Variants in ELMO2 observed in about 807,000 individuals in gnomAD.
ELMO2 encodes the protein engulfment and cell motility protein 2.
A neutral mutation model predicts 96.2 loss-of-function variants in ELMO2; 37 were observed. That is an observed-to-expected ratio of 0.38 (90% CI 0.30 to 0.51). ELMO2 has a LOEUF of 0.51. Ranked by LOEUF, ELMO2 falls within the 20% of genes least tolerant of loss-of-function variation. ELMO2 has a pLI of 0.88. For synonymous variants in ELMO2, 315 were observed against 329.4 expected (o/e 0.96, Z 0.47); for missense variants, 561 against 912.6 (o/e 0.61, Z 4.96).
chr20:46,403,554 A>T (rs2060370236), intron 1 of ELMO2, among the ~76,000 whole-genome samples: 1 of 152,234 alleles, frequency 6.6e-6, no homozygotes, highest in South Asian at 2.1e-4. Flanking sequence ...AAAACACATC[A>T]TGCAGCTTGG....
intron 11 of ELMO2, chr20:46,376,675 G>GTA: frequency 7.8e-7 from 1 of 1,289,464 alleles, no homozygotes; most frequent in South Asian, 1.2e-5. Context: ...TTGCTCCCTT[G>GTA]TATTTGTCAC....
intron 3 of ELMO2, 103 bp downstream of exon 3, chr20:46,394,302 T>C: frequency 2.9e-6 from 4 of 1,375,206 alleles, no homozygotes; most frequent in Non-Finnish European, 4.1e-6. Context: ...TGTTGCTCGT[T>C]CTTACTCTTG....
In ELMO2 at chr20:46,375,656, C is replaced by T; in HGVS notation, c.930+12G>A. On this transcript the variant is annotated intron_variant, in intron 12 of 21. Transcript: ENST00000290246. The surrounding 1 kb of genome is among the most constrained non-coding windows in gnomAD (Gnocchi z 4.6). ...CAGCCATGAGAAAACAGCTGCCCCA[C>T]TTAGCACCTACCTGGTCATTGGGGT... The T allele has an allele frequency of 6.2e-7, 1 of 1,614,044 alleles. No individual in the cohort carries two copies. Among genetic ancestry groups the T allele is most frequent in the East Asian group, 2.2e-5 (1 of 44,890 alleles).
At chr20:46,381,064 A>C (rs1233511208) in intron 10 of ELMO2, among the ~76,000 whole-genome samples, 1 of 152,212 alleles carries the variant, frequency 6.6e-6, no homozygotes, top group Admixed American at 6.5e-5. Flanking sequence ...TTTATTTCTG[A>C]AGTGACTACA....
Position 46,370,569 on chromosome 20 carries a change from G to A in ELMO2, c.1802-44C>T, listed in dbSNP as rs118029654. On this transcript the variant is annotated intron_variant, in intron 19 of 21. Transcript: ENST00000290246. Reference sequence around the variant, plus strand: ...TAGTCTCTGGAAGTTCATGCTGCAAGCTGGTCAGTGCCTACATCAGTGCTG... The same window carrying A: ...TAGTCTCTGGAAGTTCATGCTGCAAACTGGTCAGTGCCTACATCAGTGCTG... The A allele has an allele frequency of 4.5e-4, 709 of 1,571,652 alleles. 3 individuals are homozygous for A. In the East Asian group the frequency reaches 0.014, roughly 32 times the overall value.
At chr20:46,374,251 T>C (rs2059804028) in intron 15 of ELMO2, 81 bp downstream of exon 15, 1 of 1,177,340 alleles carries the variant, frequency 8.5e-7, no homozygotes, top group Non-Finnish European at 1.3e-6. Context: ...CCCACTGACA[T>C]GTAACTGTTT....
chr20:46,371,820 C>A lies in ELMO2; in HGVS notation c.1566G>T (p.Gln522His), dbSNP rs538756608. 1 of 1,614,198 alleles carries A rather than the reference C, an allele frequency of 6.2e-7. No homozygotes were observed. The highest frequency in any genetic ancestry group is 1.1e-5 in the South Asian group (1 of 91,082). ...QSERMSQDDFQSPPIVELREK... is the reference protein window; with the variant it reads ...QSERMSQDDFHSPPIVELREK... ...ATGGAACTTACACAATTGGCGGGGA[C>A]TGGAAGTCATCCTGACTCATCCTCT... The change falls in exon 17 of 22, where the codon CAG (glutamine) becomes CAT (histidine). Residue 522 changes from glutamine (Q) to histidine (H), a missense_variant. Physicochemically the swap from Gln to His is conservative, Grantham distance 24. Coordinates refer to ENST00000290246, the MANE Select transcript of ELMO2 (RefSeq NM_133171.5). This position sits in a 1 kb window ranked among gnomAD's most constrained non-coding sequence, Gnocchi z 5.9.
chr20:46,391,861 T>C (rs1265206589), intron 6 of ELMO2, among the ~76,000 whole-genome samples: 1 of 152,132 alleles, frequency 6.6e-6, no homozygotes, highest in Non-Finnish European at 1.5e-5. Context: ...TTTTGATTTG[T>C]GAAACACATG....
intron 1 of ELMO2, among the ~76,000 whole-genome samples, chr20:46,401,345 C>T (rs2060331839): frequency 6.6e-6 from 1 of 152,200 alleles, no homozygotes; most frequent in South Asian, 2.1e-4. Context: ...GAAGGACCAC[C>T]ATACCAACAG....
Position 46,386,108 on chromosome 20 carries a change from AG to A in ELMO2, c.677+15del. ...CAGACAAGTGAAGGGAGGGAGGTGT[AG>A]GGTTTTTTACTCACACCTGGAGGTG... is the stretch of plus-strand genomic sequence containing the variant. On this transcript the variant is annotated intron_variant, in intron 9 of 21. Coordinates refer to ENST00000290246, the MANE Select transcript of ELMO2 (RefSeq NM_133171.5). 1 of 1,609,434 alleles carries A rather than the reference AG, an allele frequency of 6.2e-7. No individual in the cohort carries two copies. Among genetic ancestry groups the A allele is most frequent in the Non-Finnish European group, 8.5e-7 (1 of 1,176,752 alleles).
intron 7 of ELMO2, 195 bp from the exon 8 acceptor site, chr20:46,387,632 CAAAA>C: frequency 4.5e-4 from 48 of 105,744 alleles, no homozygotes; most frequent in East Asian, 2.0e-3. Flanking sequence ...TCTATCGCTG[CAAAA>C]AAAAAAAAAA....
At chr20:46,394,576 AT>A in intron 2 of ELMO2, 44 bp from the exon 3 acceptor site, 1 of 1,383,318 alleles carries the variant, frequency 7.2e-7, no homozygotes, top group Non-Finnish European at 1.0e-6. Flanking sequence ...GTATTTCTTC[AT>A]TTTTCACTCT....
chr20:46,370,608 G>T, intron 19 of ELMO2, 83 bp from the exon 20 acceptor site: 2 of 1,297,316 alleles, frequency 1.5e-6, no homozygotes, highest in South Asian at 1.2e-5. Flanking sequence ...GGGAGGTACT[G>T]GGGCAGATGC....
chr20:46,400,909 A>G (rs1475592886), intron 1 of ELMO2, among the ~76,000 whole-genome samples: 2 of 152,214 alleles, frequency 1.3e-5, no homozygotes, highest in African/African-American at 4.8e-5. Context: ...TGAGAGCAGG[A>G]TTGGAAACCG....
chr20:46,394,800 A>G (rs2060216064), intron 2 of ELMO2, among the ~76,000 whole-genome samples: 2 of 152,244 alleles, frequency 1.3e-5, no homozygotes, highest in South Asian at 2.1e-4. Flanking sequence ...TTAAGAGTCA[A>G]GAAGACTCAG....
Position 46,367,377 on chromosome 20 carries a change from C to T in ELMO2, c.2146G>A (p.Val716Ile). ...CTCCAGGCTCAGCCATAGTGATAGACAAAGTCATAGCTGCTGGGCTCCTTG... is the reference window on the plus strand; with the variant it reads ...CTCCAGGCTCAGCCATAGTGATAGATAAAGTCATAGCTGCTGGGCTCCTTG... ...IPKEPSSYDF[V>I]YHYG Residue 716 changes from valine to isoleucine, a missense_variant, in exon 22 of 22, where the codon GTC becomes ATC. Physicochemically the swap from Val to Ile is conservative, Grantham distance 29. Transcript: ENST00000290246. The T allele has an allele frequency of 6.4e-7, 1 of 1,573,692 alleles. No individual in the cohort carries two copies. Among genetic ancestry groups the T allele is most frequent in the Non-Finnish European group, 8.6e-7 (1 of 1,160,058 alleles).
In ELMO2 at chr20:46,371,860, C is replaced by T. The variant is rs768190847; in HGVS notation, c.1526G>A (p.Arg509Gln). The change falls in exon 17 of 22, where the codon CGA (arginine) becomes CAA (glutamine). Residue 509 changes from arginine (R) to glutamine (Q), a missense_variant. By Grantham distance (43) the Arg-to-Gln change is conservative. Coordinates refer to ENST00000290246, the MANE Select transcript of ELMO2 (RefSeq NM_133171.5). The surrounding 1 kb of genome is among the most constrained non-coding windows in gnomAD (Gnocchi z 5.9). ...LRSLSYSEIL[R>Q]LRQSERMSQD... Reference sequence around the variant, plus strand: ...ACTCATCCTCTCAGACTGGCGCAGTCGTAGAATCTCAGAGTAACTCAGGCT... The same window carrying T: ...ACTCATCCTCTCAGACTGGCGCAGTTGTAGAATCTCAGAGTAACTCAGGCT... The T allele has an allele frequency of 1.4e-5, 23 of 1,614,076 alleles. No homozygotes were observed. The highest frequency in any genetic ancestry group is 7.7e-5 in the South Asian group (7 of 91,076).
chr20:46,389,850 A>G (rs1270242182), intron 6 of ELMO2, among the ~76,000 whole-genome samples: 2 of 152,004 alleles, frequency 1.3e-5, no homozygotes, highest in African/African-American at 4.8e-5. Context: ...CTCTCTCTCA[A>G]AAATAAAAAA....
chr20:46,380,201 A>C (rs1568761823), intron 11 of ELMO2, 52 bp downstream of exon 11: 1 of 1,382,694 alleles, frequency 7.2e-7, no homozygotes, highest in East Asian at 2.3e-5. Flanking sequence ...TAACAATAAC[A>C]GTAATAATTG....
Sources: gnomAD v4.1 joint callset for allele counts (sites outside exome capture counted in the v4.1 genomes callset) on GRCh38, gnomAD v4.1.1 for gene constraint, Gnocchi (gnomAD v3.1) non-coding constraint, MANE v1.5 for transcripts, NCBI Gene and HGNC (gene_info 2026-07-23, HGNC 2026-07-21) for gene names.